The following ZNF727 variants were observed in gnomAD, a reference collection of about 807,000 sequenced individuals.
ZNF727 encodes putative zinc finger protein 727.
In ZNF727, 11 loss-of-function variants were observed where a neutral mutation model predicts 11.5. That is an observed-to-expected ratio of 0.95 (90% CI 0.60 to 1.58). The LOEUF (loss-of-function observed/expected upper bound fraction) is 1.58. Among genes scored for constraint, ZNF727 ranks in the 40% most tolerant of loss-of-function variants. The probability of loss-of-function intolerance (pLI) is 0.00; values close to 1 mark genes in which losing one functional copy is unlikely to be tolerated. For synonymous variants in ZNF727, 171 were observed against 196.1 expected, an observed-to-expected ratio of 0.87 and a Z score of 1.07; for missense variants, 533 against 581.7, an observed-to-expected ratio of 0.92 and a Z score of 0.86.
In ZNF727 at chr7:64,081,662, C is replaced by A. The variant is rs1313701591; in HGVS notation, c.*3113C>A. 6.6e-6 allele frequency among the ~76,000 whole-genome samples: 1 copy of A among 152,094 alleles called. No individual in the cohort carries two copies. The highest frequency in any genetic ancestry group is 1.5e-5 in the Non-Finnish European group (1 of 68,028). On this transcript the variant is annotated 3_prime_UTR_variant, in exon 4 of 4. Coordinates refer to ENST00000456806, the MANE Select transcript of ZNF727 (RefSeq NM_001159522.3). ...GAGACTGCCCTGTAAGCAGTTGTGG[C>A]CAGACTGGATCCCTGGGAGAGGCCA...
rs550909008 is a variant in ZNF727 at position 64,077,460 on chromosome 7, G to T, written c.411G>T (p.Leu137Phe). 3.4e-5 allele frequency: 53 copies of T among 1,551,908 alleles called. 1 individual carries two copies. In the Middle Eastern group the frequency reaches 5.7e-3, roughly 166 times the overall value. Residue 137 changes from leucine to phenylalanine, a missense_variant, in exon 4 of 4, where the codon TTG becomes TTT. Leu to Phe is a conservative substitution (Grantham distance 22). This residue lies in a region of ZNF727 where 463 missense variants were observed against 494.5 expected (regional missense o/e 0.94). Transcript: ENST00000456806. ...KSSYNGIHQCLSATRSKTCQY... is the reference protein window; with the variant it reads ...KSSYNGIHQCFSATRSKTCQY... ...GTTATAATGGCATTCATCAATGTTT[G>T]TCAGCTACCCGTAGCAAAACCTGTC...
chr7:64,064,512 TAGAA>T (rs1360266305), intron 1 of ZNF727, among the ~76,000 whole-genome samples: 1 of 152,136 alleles, frequency 6.6e-6, no homozygotes, highest in African/African-American at 2.4e-5. Flanking sequence ...TTTCCTCAAG[TAGAA>T]AGAAAGATTT....
intron 3 of ZNF727, among the ~76,000 whole-genome samples, chr7:64,076,615 T>A (rs544471833): frequency 6.6e-6 from 1 of 152,254 alleles, no homozygotes; most frequent in South Asian, 2.1e-4. Context: ...TATGGAGACT[T>A]CTTTTATGTG....
intron 3 of ZNF727, 117 bp from the exon 4 acceptor site, chr7:64,077,159 C>A: frequency 9.8e-7 from 1 of 1,020,218 alleles, no homozygotes; most frequent in Non-Finnish European, 1.4e-6. Flanking sequence ...GGAAGTAGAG[C>A]CTGTGGTATT....
rs1455913641 is a variant in ZNF727, at chr7:64,085,306, T to C, written c.*6757T>C. On this transcript the variant is annotated 3_prime_UTR_variant, in exon 4 of 4. Transcript: ENST00000456806. ...ATCATTTTACTTTGTAAAATTGATA[T>C]AATTGATTTTATTAAATTTATTGGG... Among the ~76,000 whole-genome samples, 1 of 152,244 alleles carries C rather than the reference T, an allele frequency of 6.6e-6. No individual in the cohort carries two copies. Among genetic ancestry groups the C allele is most frequent in the East Asian group, 1.9e-4 (1 of 5,204 alleles).
chr7:64,074,485 C>T (rs1273323314), intron 3 of ZNF727, among the ~76,000 whole-genome samples: 1 of 152,036 alleles, frequency 6.6e-6, no homozygotes, highest in African/African-American at 2.4e-5. Flanking sequence ...CTATGTTAAG[C>T]TGTTTTTAAA....
At chr7:64,051,296 A>C (rs1285098881) in intron 1 of ZNF727, among the ~76,000 whole-genome samples, 1 of 152,196 alleles carries the variant, frequency 6.6e-6, no homozygotes, top group African/African-American at 2.4e-5. Context: ...AGAACAAAAA[A>C]AATTGTAGCT....
chr7:64,069,046 A>G (rs746095275), intron 2 of ZNF727, 29 bp downstream of exon 2: 2 of 1,517,902 alleles, frequency 1.3e-6, no homozygotes, highest in South Asian at 2.6e-5. Flanking sequence ...TACAACTCAT[A>G]TTCTACATTA....
rs1261070340 is a variant in ZNF727, at chr7:64,084,628, T to G, written c.*6079T>G. The stretch of plus-strand genomic sequence containing the variant: ...ATGTTTGTAATGAAGATGAGTATAA[T>G]GGAGCTATATGTTTCTGAATTCTGA... On this transcript the variant is annotated 3_prime_UTR_variant, in exon 4 of 4. Transcript: ENST00000456806. Among the ~76,000 whole-genome samples, 2 of 152,198 alleles carry G rather than the reference T, an allele frequency of 1.3e-5. No homozygotes were observed. Among genetic ancestry groups the G allele is most frequent in the East Asian group, 3.9e-4 (2 of 5,194 alleles).
At chr7:64,049,529 C>T (rs1303755469) in intron 1 of ZNF727, among the ~76,000 whole-genome samples, 1 of 151,740 alleles carries the variant, frequency 6.6e-6, no homozygotes, top group Non-Finnish European at 1.5e-5. Context: ...TTTTAGTAAT[C>T]TGAATATATA....
rs930194706 is a variant in ZNF727, at chr7:64,081,533, A to T, written c.*2984A>T. ...GGGGAAGCTGGAGTATAGGGAAGAA[A>T]CATGTGAGCTGGTGCAGTCACAGGG... On this transcript the variant is annotated 3_prime_UTR_variant, in exon 4 of 4. Coordinates refer to ENST00000456806, the MANE Select transcript of ZNF727 (RefSeq NM_001159522.3). 6.6e-6 allele frequency among the ~76,000 whole-genome samples: 1 copy of T among 152,074 alleles called. No homozygotes were observed. The highest frequency in any genetic ancestry group is 2.4e-5 in the African/African-American group (1 of 41,416).
At chr7:64,046,233 G>A (rs1027118859) in intron 1 of ZNF727, among the ~76,000 whole-genome samples, 2 of 152,140 alleles carry the variant, frequency 1.3e-5, no homozygotes, top group Admixed American at 6.5e-5. Flanking sequence ...TTTTTGCAAT[G>A]TTGCTCAGCC....
rs1038472755 is a variant in ZNF727, at chr7:64,081,499, A to G, written c.*2950A>G. On this transcript the variant is annotated 3_prime_UTR_variant, in exon 4 of 4. Coordinates refer to ENST00000456806, the MANE Select transcript of ZNF727 (RefSeq NM_001159522.3). ...CAGCAAAGTAATATGGGGAGTTGCCATGGTCTTGGGGGAAGCTGGAGTATA... is the reference window on the plus strand; with the variant it reads ...CAGCAAAGTAATATGGGGAGTTGCCGTGGTCTTGGGGGAAGCTGGAGTATA... Among the ~76,000 whole-genome samples the G allele has an allele frequency of 5.9e-5, 9 of 152,008 alleles. No homozygotes were observed. Among genetic ancestry groups the G allele is most frequent in the African/African-American group, 2.2e-4 (9 of 41,390 alleles).
At chr7:64,063,525 T>A (rs989719767) in intron 1 of ZNF727, among the ~76,000 whole-genome samples, 39 of 152,034 alleles carry the variant, frequency 2.6e-4, no homozygotes, top group South Asian at 2.1e-4. Context: ...GGAGTGGGTG[T>A]AACACTAGCA....
rs528113601 is a variant in ZNF727, at chr7:64,084,333, T to C, written c.*5784T>C. Among the ~76,000 whole-genome samples the C allele has an allele frequency of 2.6e-5, 4 of 152,346 alleles. No homozygotes were observed. The East Asian group carries it at 7.7e-4, about 29-fold the overall frequency. ...TTTCAAAATGCCTTTTTAATGACAA[T>C]GTATGAACTTAATTTATTTTAATAA... On this transcript the variant is annotated 3_prime_UTR_variant, in exon 4 of 4. Transcript: ENST00000456806.
In ZNF727 at chr7:64,084,062, G is replaced by A. The variant is rs985382077; in HGVS notation, c.*5513G>A. ...CACCAGAGTTAGGAGAAGTTCTTCC[G>A]TATCAGATGAAAAGATTTATATACT... On this transcript the variant is annotated 3_prime_UTR_variant, in exon 4 of 4. Transcript: ENST00000456806. 1.1e-4 allele frequency among the ~76,000 whole-genome samples: 17 copies of A among 152,078 alleles called. No individual in the cohort carries two copies. Among genetic ancestry groups the A allele is most frequent in the Non-Finnish European group, 1.9e-4 (13 of 68,024 alleles).
intron 1 of ZNF727, among the ~76,000 whole-genome samples, chr7:64,055,211 G>A (rs1409754299): frequency 6.6e-6 from 1 of 152,106 alleles, no homozygotes; most frequent in Non-Finnish European, 1.5e-5. Context: ...AAGGTCAGGA[G>A]TTTGAGACCA....
intron 1 of ZNF727, among the ~76,000 whole-genome samples, chr7:64,067,747 G>T (rs1789892610): frequency 6.6e-6 from 1 of 152,034 alleles, no homozygotes; most frequent in Admixed American, 6.6e-5. Flanking sequence ...GGGGATTGGG[G>T]GCAAGGGGAG....
chr7:64,047,248 G>A (rs1283589233), intron 1 of ZNF727, among the ~76,000 whole-genome samples: 2 of 152,120 alleles, frequency 1.3e-5, no homozygotes, highest in Admixed American at 6.5e-5. Context: ...ATTCCCCAAT[G>A]CCGACTATCC....
Sources: allele counts gnomAD v4.1 joint callset (sites outside exome capture counted in the v4.1 genomes callset), GRCh38; gene constraint gnomAD v4.1.1; regional missense constraint gnomAD v4.1.1; transcripts MANE v1.5; gene names NCBI Gene and HGNC (gene_info 2026-07-23, HGNC 2026-07-21).